PHF14: variants seen among roughly 807,000 people sequenced by gnomAD.
PHF14 encodes PHD finger protein 14.
PHF14 carries 55 observed loss-of-function variants against 117.9 expected under a neutral mutation model. The ratio of observed to expected loss-of-function variants is 0.47; its 90% CI spans 0.38 to 0.58. The LOEUF (loss-of-function observed/expected upper bound fraction) is 0.58. Among genes scored for constraint, PHF14 ranks in the 20% least tolerant of loss-of-function variants. The pLI is 0.00. For synonymous variants in PHF14, 409 were observed against 368.6 expected (o/e 1.11, Z -1.26); for missense variants, 978 against 1,122.2 (o/e 0.87, Z 1.84).
At chr7:11,091,659 G>A (rs1054585502) in intron 16 of PHF14, among the ~76,000 whole-genome samples, 1 of 152,116 alleles carries the variant, frequency 6.6e-6, no homozygotes, top group Non-Finnish European at 1.5e-5. Context: ...TCCGGAGGCT[G>A]AGGTGGAAGA....
intron 6 of PHF14, among the ~76,000 whole-genome samples, chr7:11,027,549 T>TA (rs1258215357): frequency 6.6e-6 from 1 of 152,006 alleles, no homozygotes; most frequent in Non-Finnish European, 1.5e-5. Flanking sequence ...GTTAAAGGAA[T>TA]AAAAAAATAA....
intron 17 of PHF14, among the ~76,000 whole-genome samples, chr7:11,164,928 C>T (rs1205306076): frequency 1.3e-5 from 2 of 152,088 alleles, no homozygotes; most frequent in African/African-American, 2.4e-5. Context: ...ATAACCTTGA[C>T]ATTCTTTTTT....
At chr7:11,047,883 G>A (rs958813205) in intron 13 of PHF14, among the ~76,000 whole-genome samples, 5 of 124,756 alleles carry the variant, frequency 4.0e-5, no homozygotes, top group Admixed American at 2.6e-4. Flanking sequence ...GGAAGGAAGG[G>A]AGGAAAGAAG....
At chr7:11,162,072 C>CTTTTTTTTTT (rs564998009) in intron 17 of PHF14, among the ~76,000 whole-genome samples, 16 of 70,302 alleles carry the variant, frequency 2.3e-4, no homozygotes, top group African/African-American at 2.5e-4. Flanking sequence ...AAAAATATGT[C>CTTTTTTTTTT]TTTTTTTTTT....
At chr7:11,064,562 C>G (rs914608946) in intron 16 of PHF14, among the ~76,000 whole-genome samples, 3 of 151,976 alleles carry the variant, frequency 2.0e-5, no homozygotes, top group African/African-American at 7.2e-5. Context: ...TTATATCACA[C>G]TAGAATCTGC....
chr7:11,062,175 A>T, intron 16 of PHF14, 90 bp downstream of exon 16: 2 of 1,084,488 alleles, frequency 1.8e-6, no homozygotes, highest in Non-Finnish European at 2.6e-6. Context: ...CAATTGCAGG[A>T]TAAGACCTTT....
At chr7:11,004,668 A>G (rs1019081381) in intron 4 of PHF14, among the ~76,000 whole-genome samples, 4 of 151,206 alleles carry the variant, frequency 2.6e-5, no homozygotes, top group African/African-American at 7.3e-5. Flanking sequence ...TTGTGATTAG[A>G]TTCAGTTTAA....
At chr7:11,106,974 C>T in intron 16 of PHF14, 1 of 982,784 alleles carries the variant, frequency 1.0e-6, no homozygotes, top group Non-Finnish European at 1.2e-6. Context: ...AAATGTACAT[C>T]CTTGTTCAAG....
At chr7:11,075,492 G>A (rs1435709271) in intron 16 of PHF14, among the ~76,000 whole-genome samples, 4 of 151,594 alleles carry the variant, frequency 2.6e-5, no homozygotes, top group African/African-American at 9.7e-5. Context: ...GAAAGAGGAG[G>A]AAGCATCAGA....
chr7:11,166,034 A>G (rs988524231), intron 17 of PHF14, among the ~76,000 whole-genome samples: 1 of 152,212 alleles, frequency 6.6e-6, no homozygotes, highest in Non-Finnish European at 1.5e-5. Flanking sequence ...ATTTGATATT[A>G]CAGGTGTTAC....
chr7:11,065,402 T>C (rs1464762625), intron 16 of PHF14, among the ~76,000 whole-genome samples: 1 of 152,130 alleles, frequency 6.6e-6, no homozygotes, highest in African/African-American at 2.4e-5. Flanking sequence ...CGACAGTTCA[T>C]GGCACATTTA....
intron 17 of PHF14, among the ~76,000 whole-genome samples, chr7:11,122,730 G>A (rs1787812991): frequency 6.6e-6 from 1 of 151,966 alleles, no homozygotes; most frequent in African/African-American, 2.4e-5. Flanking sequence ...AACAAATAAG[G>A]CAAATTATAA....
chr7:11,031,885 T>C (rs919691901), intron 7 of PHF14, among the ~76,000 whole-genome samples: 2 of 152,212 alleles, frequency 1.3e-5, no homozygotes, highest in Non-Finnish European at 2.9e-5. Flanking sequence ...AGCCATATGG[T>C]AGTTTCTTCT....
At chr7:11,088,360 G>C (rs4720934) in intron 16 of PHF14, among the ~76,000 whole-genome samples, 1,838 of 151,910 alleles carry the variant, frequency 0.012, 26 homozygotes, top group African/African-American at 0.042. Context: ...AGGGCAGACT[G>C]TATTAACTTC....
At chr7:11,069,274 A>G (rs568359976) in intron 16 of PHF14, among the ~76,000 whole-genome samples, 52 of 152,238 alleles carry the variant, frequency 3.4e-4, no homozygotes, top group Non-Finnish European at 5.7e-4. Flanking sequence ...TCTTACTGCT[A>G]AAGGATTCCC....
intron 16 of PHF14, among the ~76,000 whole-genome samples, chr7:11,065,117 AT>A (rs1785380502): frequency 6.6e-6 from 1 of 152,072 alleles, no homozygotes; most frequent in Admixed American, 6.5e-5. Context: ...GTTTTCTAAA[AT>A]GATTAGATTG....
chr7:11,087,254 C>T (rs1192554832), intron 16 of PHF14, among the ~76,000 whole-genome samples: 6 of 151,610 alleles, frequency 4.0e-5, no homozygotes, highest in East Asian at 3.9e-4. Flanking sequence ...TGCAATGGCA[C>T]GATCTTGGCT....
At chr7:11,145,045 A>G (rs541449968) in intron 17 of PHF14, among the ~76,000 whole-genome samples, 1 of 152,118 alleles carries the variant, frequency 6.6e-6, no homozygotes, top group African/African-American at 2.4e-5. Flanking sequence ...TTTCACAACA[A>G]TATAAATATT....
chr7:11,119,430 G>T (rs1547944), intron 17 of PHF14, among the ~76,000 whole-genome samples: 1 of 151,482 alleles, frequency 6.6e-6, no homozygotes, highest in Non-Finnish European at 1.5e-5. Flanking sequence ...ATTCAGAAGT[G>T]GTGTGGAATA....
Sources: allele counts gnomAD v4.1 joint callset (sites outside exome capture counted in the v4.1 genomes callset), GRCh38; gene constraint gnomAD v4.1.1; transcripts MANE v1.5; gene names NCBI Gene and HGNC (gene_info 2026-07-23, HGNC 2026-07-21).